The following GRIP2 variants were observed in gnomAD, a reference collection of about 807,000 sequenced individuals.
The protein encoded by GRIP2 is glutamate receptor-interacting protein 2.
A neutral mutation model predicts 108.3 loss-of-function variants in GRIP2; 58 were observed. The observed-to-expected ratio is 0.54, with a 90% CI of 0.43 to 0.67. The LOEUF is 0.67. GRIP2 is among the 30% of genes least tolerant of loss of function. The probability of loss-of-function intolerance (pLI) is 0.00; values close to 1 mark genes in which losing one functional copy is unlikely to be tolerated. For missense variants in GRIP2, 1,278 were observed against 1,430.6 expected, an observed-to-expected ratio of 0.89 and a Z score of 1.72; for synonymous variants, 586 against 598.2, an observed-to-expected ratio of 0.98 and a Z score of 0.30.
chr3:14,511,131 C>G lies in GRIP2; in HGVS notation c.1933+34G>C. On this transcript the variant is annotated intron_variant, in intron 16 of 23. Coordinates refer to ENST00000621039, the MANE Select transcript of GRIP2 (RefSeq NM_001080423.4). This position sits in a 1 kb window ranked among gnomAD's most constrained non-coding sequence, Gnocchi z 4.1. The stretch of plus-strand genomic sequence containing the variant: ...GGAACCCGCTAGTCAAAGGGTGGGC[C>G]TCTGGAGGTAGGAGGCCAGCATGAG... 1 of 1,610,920 alleles carries G rather than the reference C, an allele frequency of 6.2e-7. No individual in the cohort carries two copies. Among genetic ancestry groups the G allele is most frequent in the Non-Finnish European group, 8.5e-7 (1 of 1,178,392 alleles).
chr3:14,574,398 A>G, the GRIP2 span: 1 of 797,354 alleles, frequency 1.3e-6, no homozygotes, highest in Non-Finnish European at 2.1e-6. Context: ...CTCCTGTCGG[A>G]GCCGCACCTT....
At chr3:14,569,542 C>G in the GRIP2 span, among the ~76,000 whole-genome samples, 8 of 152,290 alleles carry the variant, frequency 5.3e-5, no homozygotes, top group South Asian at 1.2e-3. Flanking sequence ...GTTGCCGGAT[C>G]GTGGGAGATC....
rs532562302 is a variant in GRIP2 at position 14,505,689 on chromosome 3, C to T, written c.2499G>A (p.Thr833=). 7.5e-6 allele frequency: 12 copies of T among 1,603,414 alleles called. No individual in the cohort carries two copies. Among genetic ancestry groups the T allele is most frequent in the African/African-American group, 1.3e-5 (1 of 74,802 alleles). The change falls in exon 20 of 24, where the codon ACG becomes ACA. Residue 833 remains threonine (T), a synonymous_variant. Transcript: ENST00000621039. This position sits in a 1 kb window ranked among gnomAD's most constrained non-coding sequence, Gnocchi z 4.2. ...GSPPPTEPRR[T]SYTPTPADES... ...CGTCAGCTGGGGTTGGGGTATAGCT[C>T]GTCCTCCGGGGCTCGGTGGGTGGGG...
At position 14,506,891 on chromosome 3, in the gene GRIP2, C is replaced by T; in HGVS notation, c.2308G>A (p.Ala770Thr). 1 of 1,606,678 alleles carries T rather than the reference C, an allele frequency of 6.2e-7. No homozygotes were observed. The highest frequency in any genetic ancestry group is 8.5e-7 in the Non-Finnish European group (1 of 1,176,756). The change falls in exon 19 of 24, where the codon GCA becomes ACA. Residue 770 changes from alanine to threonine, a missense_variant. Coordinates refer to ENST00000621039, the MANE Select transcript of GRIP2 (RefSeq NM_001080423.4). ...GGCACAGCCGGCGAGAAGCGGGCTG[C>T]TGGCAGGCCTCCTTTCAGGGCATCT... Reference protein sequence around the residue: ...PADALKGGLPAARFSPAVPSV... With the variant: ...PADALKGGLPTARFSPAVPSV...
In GRIP2 at chr3:14,506,880, G is replaced by A. The variant is rs770902665; in HGVS notation, c.2319C>T (p.Phe773=). 2 of 1,606,890 alleles carry A rather than the reference G, an allele frequency of 1.2e-6. No individual in the cohort carries two copies. Among genetic ancestry groups the A allele is most frequent in the African/African-American group, 1.3e-5 (1 of 74,904 alleles). ...TGTCCACACTGGGCACAGCCGGCGA[G>A]AAGCGGGCTGCTGGCAGGCCTCCTT... ...ALKGGLPAAR[F]SPAVPSVDSA... The change falls in exon 19 of 24, where the codon TTC becomes TTT. Residue 773 remains phenylalanine (F), a synonymous_variant. Coordinates refer to ENST00000621039, the MANE Select transcript of GRIP2 (RefSeq NM_001080423.4).
the GRIP2 span, among the ~76,000 whole-genome samples, chr3:14,577,291 A>G: frequency 6.6e-6 from 1 of 152,232 alleles, no homozygotes; most frequent in African/African-American, 2.4e-5. Flanking sequence ...TAGGAAACCA[A>G]TGAGAAATAG....
At chr3:14,513,350 C>T (rs183620516) in intron 13 of GRIP2, among the ~76,000 whole-genome samples, 2 of 152,302 alleles carry the variant, frequency 1.3e-5, no homozygotes, top group African/African-American at 4.8e-5. Context: ...GTTGAGGTCA[C>T]AGAAGCAGAA....
chr3:14,602,722 G>A, the GRIP2 span, among the ~76,000 whole-genome samples: 1 of 151,834 alleles, frequency 6.6e-6, no homozygotes, highest in Non-Finnish European at 1.5e-5. This position sits in a 1 kb window ranked among gnomAD's most constrained non-coding sequence, Gnocchi z 4.7. Flanking sequence ...GCTCCGCTCC[G>A]CAGCTCGCGT....
upstream of GRIP2, among the ~76,000 whole-genome samples, chr3:14,560,124 C>G (rs1456050888): frequency 6.6e-6 from 1 of 151,864 alleles, no homozygotes; most frequent in Non-Finnish European, 1.5e-5. Flanking sequence ...CATGGTGGTG[C>G]ATGCCTATAG....
chr3:14,499,201 C>G (rs1292700282), intron 21 of GRIP2, among the ~76,000 whole-genome samples: 1 of 152,146 alleles, frequency 6.6e-6, no homozygotes, highest in Non-Finnish European at 1.5e-5. Flanking sequence ...GAATTACTGT[C>G]AAAACCAGTC....
the GRIP2 span, among the ~76,000 whole-genome samples, chr3:14,578,774 G>A: frequency 6.6e-6 from 1 of 150,548 alleles, no homozygotes; most frequent in Admixed American, 6.6e-5. Context: ...TATTTGTCAG[G>A]TGAGTCAGCA....
chr3:14,545,557 C>T (rs1431517926), upstream of GRIP2, among the ~76,000 whole-genome samples: 1 of 152,238 alleles, frequency 6.6e-6, no homozygotes. Flanking sequence ...GGGGCTCCCT[C>T]TTGGGCTCCA....
At position 14,493,512 on chromosome 3, in the gene GRIP2, A is replaced by G; in HGVS notation, c.*153T>C. 1.1e-6 allele frequency: 1 copy of G among 942,200 alleles called. No individual in the cohort carries two copies. Among genetic ancestry groups the G allele is most frequent in the Non-Finnish European group, 1.5e-6 (1 of 654,250 alleles). The allele number at this position is 942,200 out of a possible 1,614,324, so 58.4% of individuals were successfully genotyped here. Reference sequence around the variant, plus strand: ...CTGCCTGGCACCCCAGTCACCACAGACCTGGGGAACAGAGACCAAGCATCA... The same window carrying G: ...CTGCCTGGCACCCCAGTCACCACAGGCCTGGGGAACAGAGACCAAGCATCA... On this transcript the variant is annotated 3_prime_UTR_variant, in exon 24 of 24. Transcript: ENST00000621039.
chr3:14,515,708 T>C (rs1694229741), intron 11 of GRIP2, among the ~76,000 whole-genome samples: 1 of 151,356 alleles, frequency 6.6e-6, no homozygotes, highest in Non-Finnish European at 1.5e-5. Context: ...CCACCTCGGC[T>C]CACTGCAACC....
upstream of GRIP2, among the ~76,000 whole-genome samples, chr3:14,545,349 C>T (rs1695041297): frequency 2.6e-5 from 4 of 152,368 alleles, no homozygotes; most frequent in South Asian, 8.3e-4. Flanking sequence ...GCCTGCCTGA[C>T]AGCATCCCCA....
the GRIP2 span, chr3:14,574,015 G>C: frequency 7.3e-7 from 1 of 1,361,656 alleles, no homozygotes; most frequent in African/African-American, 1.4e-5. Context: ...AGGTGGATGA[G>C]GGCCTCCGAG....
chr3:14,509,645 C>T (rs914078197), intron 17 of GRIP2, among the ~76,000 whole-genome samples, 175 bp downstream of exon 17: 2 of 152,254 alleles, frequency 1.3e-5, no homozygotes, highest in African/African-American at 4.8e-5. Flanking sequence ...GGGGCTGACA[C>T]TCATTTTACA....
chr3:14,532,027 G>A (rs995991122), intron 1 of GRIP2, among the ~76,000 whole-genome samples: 3 of 152,154 alleles, frequency 2.0e-5, no homozygotes, highest in African/African-American at 7.2e-5. Flanking sequence ...CAACCTCTGC[G>A]GCTCCAGCTT....
At chr3:14,527,741 C>T (rs967753678) in intron 1 of GRIP2, among the ~76,000 whole-genome samples, 1 of 151,776 alleles carries the variant, frequency 6.6e-6, no homozygotes, top group Admixed American at 6.6e-5. Flanking sequence ...ACTGAAAATA[C>T]AAAAATTAGG....
Sources: allele counts gnomAD v4.1 joint callset (sites outside exome capture counted in the v4.1 genomes callset), GRCh38; gene constraint gnomAD v4.1.1; non-coding constraint Gnocchi (gnomAD v3.1); transcripts MANE v1.5; gene names NCBI Gene and HGNC (gene_info 2026-07-23, HGNC 2026-07-21).